RNPC3: variants seen among roughly 807,000 people sequenced by gnomAD.
RNPC3 encodes the protein RNA-binding region-containing protein 3.
RNPC3 carries 48 observed loss-of-function variants against 67.5 expected under a neutral mutation model. The observed-to-expected ratio is 0.71, with a 90% confidence interval of 0.56 to 0.90. The LOEUF (loss-of-function observed/expected upper bound fraction) is 0.90, where lower values mean the gene tolerates loss of function less well. Ranked by LOEUF, RNPC3 falls within the 40% of genes least tolerant of loss-of-function variation. The pLI is 0.00. For missense variants in RNPC3, 637 were observed against 626.1 expected (o/e 1.02, Z -0.19); for synonymous variants, 239 against 210.3 (o/e 1.14, Z -1.18).
At chr1:103,531,232 C>A (rs1470721193) in intron 2 of RNPC3, among the ~76,000 whole-genome samples, 3 of 151,938 alleles carry the variant, frequency 2.0e-5, no homozygotes, top group African/African-American at 7.3e-5. Context: ...ACCATAATTT[C>A]TTTATCCACT....
chr1:103,546,823 A>G, intron 11 of RNPC3, 154 bp from the exon 12 acceptor site: 3 of 522,610 alleles, frequency 5.7e-6, no homozygotes, highest in Non-Finnish European at 1.0e-5. Context: ...GTATCTGTCC[A>G]AATTTCCCCT....
At chr1:103,544,891 A>G (rs994877367) in intron 9 of RNPC3, 50 bp from the exon 10 acceptor site, 6 of 1,281,976 alleles carry the variant, frequency 4.7e-6, no homozygotes, top group South Asian at 1.5e-5. Flanking sequence ...CCCAAAAACT[A>G]TTTTTAAAGG....
At chr1:103,541,244 A>C (rs1651118567) in intron 7 of RNPC3, 106 bp from the exon 8 acceptor site, 1 of 780,894 alleles carries the variant, frequency 1.3e-6, no homozygotes, top group African/African-American at 1.9e-5. Context: ...TCATTTTATA[A>C]TTTAAATTAT....
chr1:103,543,306 C>G lies in RNPC3; in HGVS notation c.904C>G (p.Pro302Ala), dbSNP rs746915031. ...ATTGTTTTTAAATAGCAGTTTACAT[C>G]CAGTGCTGTTACCTTCAGATGTATT... Reference protein sequence around the residue: ...PLCPSHSSLHPVLLPSDVFDQ... With the variant: ...PLCPSHSSLHAVLLPSDVFDQ... Residue 302 changes from proline to alanine, a missense_variant, in exon 9 of 15, where the codon CCA (proline) becomes GCA (alanine). Pro to Ala is a conservative substitution (Grantham distance 27). Transcript: ENST00000423855. The G allele has an allele frequency of 6.9e-7, 1 of 1,447,040 alleles. No homozygotes were observed. The highest frequency in any genetic ancestry group is 9.0e-7 in the Non-Finnish European group (1 of 1,107,568). 89.6% of individuals were successfully genotyped at this position (1,447,040 alleles called of 1,614,324 possible). A position where few individuals can be genotyped will look rare whatever the true frequency, so the allele number is the denominator to read the frequency against.
intron 12 of RNPC3, among the ~76,000 whole-genome samples, chr1:103,549,248 G>A (rs1651322894): frequency 6.6e-6 from 1 of 152,180 alleles, no homozygotes; most frequent in African/African-American, 2.4e-5. Flanking sequence ...GAAAAGGTAA[G>A]AGGCTTTTGA....
At chr1:103,531,191 CTG>C (rs1420002527) in intron 2 of RNPC3, among the ~76,000 whole-genome samples, 1 of 152,088 alleles carries the variant, frequency 6.6e-6, no homozygotes, top group African/African-American at 2.4e-5. Flanking sequence ...CTTTTTATGA[CTG>C]AGTAGTATTC....
chr1:103,528,862 G>T (rs1250393189), intron 2 of RNPC3, among the ~76,000 whole-genome samples: 2 of 152,172 alleles, frequency 1.3e-5, no homozygotes, highest in Non-Finnish European at 2.9e-5. Flanking sequence ...TTAAGAAGAT[G>T]AAATCCTGTG....
chr1:103,526,235 G>A lies in RNPC3; in HGVS notation c.165G>A (p.Val55=). 2 of 1,550,598 alleles carry A rather than the reference G, an allele frequency of 1.3e-6. No homozygotes were observed. The highest frequency in any genetic ancestry group is 8.7e-7 in the Non-Finnish European group (1 of 1,146,458). ...DLLKYFGAQS[V]RVLSDKGRLK... ...TGAAGTACTTCGGGGCTCAGTCTGT[G>A]CGGGTCCTGTCAGATAAGGGGCGAC... The change falls in exon 1 of 15, where the codon GTG becomes GTA. Residue 55 remains valine, a synonymous_variant. Transcript: ENST00000423855.
chr1:103,547,917 C>T (rs921210343), intron 12 of RNPC3, among the ~76,000 whole-genome samples: 26 of 152,156 alleles, frequency 1.7e-4, no homozygotes, highest in African/African-American at 5.5e-4. Context: ...TCCCAAACCC[C>T]AGTTCTTGAC....
intron 12 of RNPC3, among the ~76,000 whole-genome samples, chr1:103,548,663 C>T (rs1484087617): frequency 1.3e-5 from 2 of 151,942 alleles, no homozygotes; most frequent in Admixed American, 1.3e-4. Flanking sequence ...TCTTCTGAGC[C>T]CTCCAAACTG....
chr1:103,551,979 A>G (rs1651401735), intron 14 of RNPC3, 187 bp downstream of exon 14: 3 of 410,480 alleles, frequency 7.3e-6, no homozygotes, highest in Non-Finnish European at 1.3e-5. Context: ...TTTATATGTG[A>G]AAATTAAGTT....
At chr1:103,552,626 G>A (rs1651422101) in intron 14 of RNPC3, 1 of 152,118 alleles carries the variant, frequency 6.6e-6, no homozygotes, top group African/African-American at 2.4e-5. Flanking sequence ...TGGGTGTGGT[G>A]GCGCCTACCT....
At chr1:103,551,652 GTTTTTGAGAAT>G in intron 13 of RNPC3, 58 bp from the exon 14 acceptor site, 1 of 1,026,148 alleles carries the variant, frequency 9.7e-7, no homozygotes, top group Non-Finnish European at 1.4e-6. Flanking sequence ...ACACTAGAAA[GTTTTTGAGAAT>G]TATTTAGAAA....
In RNPC3 at chr1:103,535,985, C is replaced by G. The variant is rs1650974847; in HGVS notation, c.556-141C>G. 10 of 608,004 alleles carry G rather than the reference C, an allele frequency of 1.6e-5. No homozygotes were observed. The Admixed American group carries it at 2.6e-4, about 16-fold the overall frequency. The allele number at this position is 608,004 out of a possible 1,614,324, so 37.7% of individuals were successfully genotyped here. A position where few individuals can be genotyped will look rare whatever the true frequency, so the allele number is the denominator to read the frequency against. On this transcript the variant is annotated intron_variant, in intron 5 of 14. Transcript: ENST00000423855. Reference sequence around the variant, plus strand: ...TACTAATGCCTTGTTTTACCTTATGCAGAGATTTTAAAGGCAAGAGATGGG... The same window carrying G: ...TACTAATGCCTTGTTTTACCTTATGGAGAGATTTTAAAGGCAAGAGATGGG...
intron 12 of RNPC3, among the ~76,000 whole-genome samples, chr1:103,550,179 CATA>C (rs1223596629): frequency 2.6e-5 from 4 of 151,312 alleles, no homozygotes; most frequent in Non-Finnish European, 4.4e-5. Context: ...TAATAATAAT[CATA>C]ATAATAATAA....
intron 3 of RNPC3, 112 bp downstream of exon 3, chr1:103,533,969 G>A (rs1650925642): frequency 3.0e-6 from 2 of 656,816 alleles, no homozygotes; most frequent in Admixed American, 2.8e-5. Context: ...ATTGGAAGAG[G>A]AATGACAGAT....
At chr1:103,528,815 G>T (rs955465947) in intron 2 of RNPC3, among the ~76,000 whole-genome samples, 1 of 152,220 alleles carries the variant, frequency 6.6e-6, no homozygotes, top group Admixed American at 6.5e-5. Context: ...AGGAGAACTA[G>T]AAAGGAAATT....
chr1:103,545,313 G>T, intron 10 of RNPC3: 1 of 380,736 alleles, frequency 2.6e-6, no homozygotes, highest in Non-Finnish European at 4.6e-6. Context: ...AGTGTTTCCA[G>T]TCTATATTTA....
At chr1:103,536,816 T>A (rs1650997790) in intron 6 of RNPC3, among the ~76,000 whole-genome samples, 1 of 152,140 alleles carries the variant, frequency 6.6e-6, no homozygotes, top group Non-Finnish European at 1.5e-5. Context: ...ACTCAATGCT[T>A]GATATATTAC....
Sources: gnomAD v4.1 joint callset for allele counts (sites outside exome capture counted in the v4.1 genomes callset) on GRCh38, gnomAD v4.1.1 for gene constraint, MANE v1.5 for transcripts, NCBI Gene and HGNC (gene_info 2026-07-23, HGNC 2026-07-21) for gene names.